Variants in SDK2 observed in about 807,000 individuals in gnomAD.
SDK2 encodes protein sidekick-2.
In SDK2, 105 loss-of-function variants were observed where a neutral mutation model predicts 253.9. The ratio of observed to expected loss-of-function variants is 0.41; its 90% CI spans 0.35 to 0.49. The LOEUF (loss-of-function observed/expected upper bound fraction) is 0.49. Ranked by LOEUF, SDK2 falls within the 20% of genes least tolerant of loss-of-function variation. SDK2 has a pLI of 0.06. For synonymous variants in SDK2, 1,249 were observed against 1,234.9 expected, an observed-to-expected ratio of 1.01 and a Z score of -0.24; for missense variants, 2,608 against 3,003.0, an observed-to-expected ratio of 0.87 and a Z score of 3.07.
At chr17:73,563,151 T>C (rs2045263528) in intron 1 of SDK2, among the ~76,000 whole-genome samples, 1 of 152,254 alleles carries the variant, frequency 6.6e-6, no homozygotes, top group South Asian at 2.1e-4. Context: ...CTGGCAAGGC[T>C]GGGATAAGAT....
At chr17:73,590,428 G>A (rs144894171) in intron 1 of SDK2, among the ~76,000 whole-genome samples, 29 of 152,318 alleles carry the variant, frequency 1.9e-4, no homozygotes, top group South Asian at 4.1e-4. Flanking sequence ...GACTTTGCTC[G>A]TTGCCAAGAC....
intron 1 of SDK2, among the ~76,000 whole-genome samples, chr17:73,587,189 G>T (rs2045613716): frequency 1.3e-5 from 2 of 152,246 alleles, no homozygotes; most frequent in South Asian, 4.1e-4. Flanking sequence ...CCATCTCCAG[G>T]CTCTAGAGCC....
intron 1 of SDK2, among the ~76,000 whole-genome samples, chr17:73,617,879 T>TAAAAC (rs951001733): frequency 1.3e-5 from 2 of 152,076 alleles, no homozygotes; most frequent in Admixed American, 6.6e-5. Context: ...ATGGTAAAAC[T>TAAAAC]AAAACAAAAC....
Position 73,398,307 on chromosome 17 carries a change from C to A in SDK2, c.3203+13G>T. On this transcript the variant is annotated intron_variant, in intron 23 of 44. Coordinates refer to ENST00000392650, the MANE Select transcript of SDK2 (RefSeq NM_001144952.2). ...CTGAGGCTGCTGCCTTCTCCCCGGG[C>A]CAGTCTCATTACCTGTAGCAGGTGA... is the stretch of plus-strand genomic sequence containing the variant. 1 of 1,612,666 alleles carries A rather than the reference C, an allele frequency of 6.2e-7. No homozygotes were observed. Among genetic ancestry groups the A allele is most frequent in the Non-Finnish European group, 8.5e-7 (1 of 1,178,838 alleles).
chr17:73,423,724 G>C (rs1034364246), intron 13 of SDK2, among the ~76,000 whole-genome samples, 192 bp downstream of exon 13: 3 of 152,190 alleles, frequency 2.0e-5, no homozygotes, highest in African/African-American at 7.2e-5. Context: ...ACACCCCCCT[G>C]CTCTTGACGG....
Position 73,435,079 on chromosome 17 carries a change from G to A in SDK2, c.1195+371C>T, listed in dbSNP as rs2063356595. Among the ~76,000 whole-genome samples, 1 of 152,188 alleles carries A rather than the reference G, an allele frequency of 6.6e-6. No homozygotes were observed. Among genetic ancestry groups the A allele is most frequent in the African/African-American group, 2.4e-5 (1 of 41,428 alleles). On this transcript the variant is annotated intron_variant, in intron 9 of 44. Coordinates refer to ENST00000392650, the MANE Select transcript of SDK2 (RefSeq NM_001144952.2). The surrounding 1 kb of genome is among the most constrained non-coding windows in gnomAD (Gnocchi z 5.7). ...CCAGTTTTCTTCTTTGGAAACATGA[G>A]CAGGTCTTCTGGAATGGGGTTACTC...
rs1425037706 is a variant in SDK2, at chr17:73,507,614, A to G, written c.65-17T>C. The G allele has an allele frequency of 6.5e-7, 1 of 1,549,012 alleles. No individual in the cohort carries two copies. The highest frequency in any genetic ancestry group is 1.4e-5 in the African/African-American group (1 of 73,000). On this transcript the variant is annotated splice_polypyrimidine_tract_variant and intron_variant, in intron 1 of 44. Coordinates refer to ENST00000392650, the MANE Select transcript of SDK2 (RefSeq NM_001144952.2). Reference sequence around the variant, plus strand: ...ACACATCATCTGCAGAAACAGGGAGACAAAGCCACCAGTGATCACTTGCTC... The same window carrying G: ...ACACATCATCTGCAGAAACAGGGAGGCAAAGCCACCAGTGATCACTTGCTC...
In SDK2 at chr17:73,338,914, G is replaced by A; in HGVS notation, c.6192C>T (p.Asp2064=). ...AGGAGTGGGCCTTCTGGTGGTTTGAGTCGACCTCGTACTCGCTGTCACTTC... is the reference window on the plus strand; with the variant it reads ...AGGAGTGGGCCTTCTGGTGGTTTGAATCGACCTCGTACTCGCTGTCACTTC... ...SQGSDSEYEV[D]SNHQKAHSFV... Residue 2064 remains aspartate, a synonymous_variant, in exon 45 of 45, where the codon GAC becomes GAT. Transcript: ENST00000392650. The surrounding 1 kb of genome is among the most constrained non-coding windows in gnomAD (Gnocchi z 5.0). 1.9e-6 allele frequency: 3 copies of A among 1,614,038 alleles called. No individual in the cohort carries two copies. The highest frequency in any genetic ancestry group is 1.1e-5 in the South Asian group (1 of 91,086).
chr17:73,362,639 C>T (rs35677511), intron 38 of SDK2, among the ~76,000 whole-genome samples: 29,198 of 152,110 alleles, frequency 0.19, 3,301 homozygotes, highest in East Asian at 0.42. Flanking sequence ...GATCCTCCCA[C>T]CTTGGCCTCT....
Position 73,511,126 on chromosome 17 carries a change from C to T in SDK2, c.65-3529G>A, listed in dbSNP as rs751116990. Among the ~76,000 whole-genome samples the T allele has an allele frequency of 1.2e-4, 19 of 152,204 alleles. No individual in the cohort carries two copies. Among genetic ancestry groups the T allele is most frequent in the Non-Finnish European group, 2.6e-4 (18 of 68,026 alleles). On this transcript the variant is annotated intron_variant, in intron 1 of 44. Transcript: ENST00000392650. This position sits in a 1 kb window ranked among gnomAD's most constrained non-coding sequence, Gnocchi z 4.9. ...AATGGGCACATTCTTACTTCAAAGG[C>T]GCATTCATATTCTCCAGCAGCTTTC... is the stretch of plus-strand genomic sequence containing the variant.
In SDK2 at chr17:73,395,200, TC is replaced by T. The variant is rs1288330904; in HGVS notation, c.3546del (p.Ser1183AlafsTer55). 6.2e-7 allele frequency: 1 copy of T among 1,610,332 alleles called. No homozygotes were observed. Among genetic ancestry groups the T allele is most frequent in the Non-Finnish European group, 8.5e-7 (1 of 1,178,716 alleles). ...RVQVQAFNAIGSGPWSQTVVG... is the reference protein window; with the variant it reads ...RVQVQAFNAIXSGPWSQTVVG... ...ACCACCGTCTGGCTCCAGGGCCCGCTCCCGATGGCGTTGAAGGCCTGGACCT... is the reference window on the plus strand; with the variant it reads ...ACCACCGTCTGGCTCCAGGGCCCGCTCCGATGGCGTTGAAGGCCTGGACCT... On this transcript the variant is annotated frameshift_variant, in exon 25 of 45. Coordinates refer to ENST00000392650, the MANE Select transcript of SDK2 (RefSeq NM_001144952.2). LOFTEE classifies it high-confidence loss of function. This position sits in a 1 kb window ranked among gnomAD's most constrained non-coding sequence, Gnocchi z 4.3.
intron 12 of SDK2, among the ~76,000 whole-genome samples, chr17:73,424,319 C>A (rs111715556): frequency 6.6e-6 from 1 of 152,110 alleles, no homozygotes. Flanking sequence ...GGAGAGCGAA[C>A]GCATTCAGTC....
chr17:73,564,062 C>T (rs193106478), intron 1 of SDK2, among the ~76,000 whole-genome samples: 28 of 152,368 alleles, frequency 1.8e-4, no homozygotes, highest in African/African-American at 6.5e-4. Context: ...GTATGAGCCG[C>T]TGTGCCCAGC....
At chr17:73,399,708 C>A (rs1458149119) in intron 21 of SDK2, among the ~76,000 whole-genome samples, 1 of 152,178 alleles carries the variant, frequency 6.6e-6, no homozygotes, top group East Asian at 1.9e-4. Context: ...ACACCTCCTA[C>A]GCCTAATTAC....
At position 73,350,719 on chromosome 17, in the gene SDK2, T is replaced by C. The variant is rs1207938130; in HGVS notation, c.5830A>G (p.Ile1944Val). ...VVIALVGLIF[I>V]LLLVFVLIIR... ...ATGAGCACGAAGACCAGAAGCAGGA[T>C]GAAGATGAGGCCGACCAGGGCAATG... is the stretch of plus-strand genomic sequence containing the variant. Residue 1944 changes from isoleucine (I) to valine (V), a missense_variant, in exon 42 of 45, where the codon ATC becomes GTC. Ile to Val is a conservative substitution (Grantham distance 29). Around this residue, in one of 2 missense-constraint regions of SDK2, gnomAD observed 1,103 missense variants for 1,143.9 expected, o/e 0.96. Coordinates refer to ENST00000392650, the MANE Select transcript of SDK2 (RefSeq NM_001144952.2). 1 of 1,613,714 alleles carries C rather than the reference T, an allele frequency of 6.2e-7. No homozygotes were observed. Among genetic ancestry groups the C allele is most frequent in the Admixed American group, 1.7e-5 (1 of 59,994 alleles).
Position 73,338,338 on chromosome 17 carries a change from A to C in SDK2, c.*249T>G. On this transcript the variant is annotated 3_prime_UTR_variant, in exon 45 of 45. Coordinates refer to ENST00000392650, the MANE Select transcript of SDK2 (RefSeq NM_001144952.2). The surrounding 1 kb of genome is among the most constrained non-coding windows in gnomAD (Gnocchi z 5.0). The stretch of plus-strand genomic sequence containing the variant: ...CACAGCCACTTCCCCAGCTCCGTGT[A>C]ATTCCCAAGGGAGCAGTGAACCCCA... 4.7e-6 allele frequency: 3 copies of C among 637,360 alleles called. No homozygotes were observed. Among genetic ancestry groups the C allele is most frequent in the Non-Finnish European group, 8.7e-6 (3 of 343,700 alleles). The allele number at this position is 637,360 out of a possible 1,614,324, so 39.5% of individuals were successfully genotyped here. A position where few individuals can be genotyped will look rare whatever the true frequency, so the allele number is the denominator to read the frequency against.
intron 1 of SDK2, among the ~76,000 whole-genome samples, chr17:73,581,484 G>A (rs1445899114): frequency 2.0e-5 from 3 of 152,300 alleles, no homozygotes; most frequent in East Asian, 3.9e-4. Flanking sequence ...TACCAGCCCC[G>A]CCTGCCCCAG....
At chr17:73,598,277 G>A (rs1025192022) in intron 1 of SDK2, among the ~76,000 whole-genome samples, 3 of 152,168 alleles carry the variant, frequency 2.0e-5, no homozygotes, top group Admixed American at 1.3e-4. Flanking sequence ...GGTGTGGGGC[G>A]TGAGTTCCTA....
Position 73,438,044 on chromosome 17 carries a change from G to A in SDK2, c.836C>T (p.Ala279Val), listed in dbSNP as rs2063384034. 1 of 1,551,694 alleles carries A rather than the reference G, an allele frequency of 6.4e-7. No homozygotes were observed. Among genetic ancestry groups the A allele is most frequent in the Non-Finnish European group, 8.7e-7 (1 of 1,147,026 alleles). Residue 279 changes from alanine (A) to valine (V), a missense_variant, in exon 7 of 45, where the codon GCC becomes GTC. Ala to Val is a moderately conservative substitution (Grantham distance 64). Transcript: ENST00000392650. ...LTIPNPTGSD[A>V]GYYECEAVLR... ...GACAGCCTCACACTCGTAGTAGCCG[G>A]CGTCACTGCCGGTGGGGTTGGGGAT... is the stretch of plus-strand genomic sequence containing the variant.
Sources: gnomAD v4.1 joint callset for allele counts (sites outside exome capture counted in the v4.1 genomes callset) on GRCh38, gnomAD v4.1.1 for gene constraint, gnomAD v4.1.1 regional missense constraint, Gnocchi (gnomAD v3.1) non-coding constraint, MANE v1.5 for transcripts, NCBI Gene and HGNC (gene_info 2026-07-23, HGNC 2026-07-21) for gene names.